The following PDE4B variants were observed in gnomAD, a reference collection of about 807,000 sequenced individuals.
The protein encoded by PDE4B is 3',5'-cyclic-AMP phosphodiesterase 4B.
Under a neutral mutation model 82.2 loss-of-function variants are expected in PDE4B, and 20 were observed. The ratio of observed to expected loss-of-function variants is 0.24; its 90% CI spans 0.17 to 0.35. The LOEUF (loss-of-function observed/expected upper bound fraction) is 0.35, where lower values mean the gene tolerates loss of function less well. PDE4B is among the 10% of genes least tolerant of loss of function. The probability of loss-of-function intolerance (pLI) is 1.00; values close to 1 mark genes in which losing one functional copy is unlikely to be tolerated. For missense variants in PDE4B, 655 were observed against 907.2 expected, an observed-to-expected ratio of 0.72 and a Z score of 3.57; for synonymous variants, 320 against 318.9, an observed-to-expected ratio of 1.00 and a Z score of -0.04.
In PDE4B at chr1:66,073,876, TATCATAG is replaced by T. The variant is rs150847836; in HGVS notation, c.281+155043_281+155049del. 7.8e-3 allele frequency among the ~76,000 whole-genome samples: 1,180 copies of T among 152,170 alleles called. 29 individuals are homozygous for T. Among genetic ancestry groups the T allele is most frequent in the East Asian group, 0.072 (374 of 5,174 alleles). On this transcript the variant is annotated intron_variant, in intron 3 of 16. Transcript: ENST00000341517. ...GTATTACTTAATGGTATGAAAACCA[TATCATAG>T]AAGAAAAAAGTTCAAAGACATAGAG...
intron 1 of PDE4B, among the ~76,000 whole-genome samples, chr1:65,877,758 A>C (rs184011609): frequency 4.6e-5 from 7 of 152,132 alleles, no homozygotes; most frequent in East Asian, 1.9e-4. Flanking sequence ...AGACTTAAAC[A>C]TAAAACCTAA....
chr1:65,857,608 G>A (rs1196174539), intron 1 of PDE4B, among the ~76,000 whole-genome samples: 1 of 152,148 alleles, frequency 6.6e-6, no homozygotes, highest in East Asian at 1.9e-4. Flanking sequence ...GCTCTCTTGA[G>A]CCCAGGAGTT....
At chr1:65,945,502 A>G (rs1648662170) in intron 3 of PDE4B, among the ~76,000 whole-genome samples, 1 of 151,932 alleles carries the variant, frequency 6.6e-6, no homozygotes, top group African/African-American at 2.4e-5. Context: ...CCCTGGGTGA[A>G]AGGGTCCTTA....
intron 3 of PDE4B, among the ~76,000 whole-genome samples, chr1:66,180,407 T>C (rs77810406): frequency 6.6e-6 from 1 of 152,196 alleles, no homozygotes; most frequent in African/African-American, 2.4e-5. Context: ...CAGAGTTTTT[T>C]CATAAAGTCT....
intron 3 of PDE4B, among the ~76,000 whole-genome samples, chr1:65,949,280 C>T (rs149130114): frequency 1.3e-4 from 20 of 152,228 alleles, no homozygotes; most frequent in African/African-American, 4.1e-4. Context: ...GGTTTTCTGT[C>T]TCATAGAACG....
chr1:65,811,369 A>T (rs1205477099), intron 1 of PDE4B, among the ~76,000 whole-genome samples: 1 of 152,252 alleles, frequency 6.6e-6, no homozygotes, highest in African/African-American at 2.4e-5. Flanking sequence ...AGGCTTGGCT[A>T]TGTCAGATTC....
intron 3 of PDE4B, among the ~76,000 whole-genome samples, chr1:66,101,402 A>G (rs1024970086): frequency 4.6e-5 from 7 of 152,116 alleles, no homozygotes; most frequent in Non-Finnish European, 1.0e-4. Flanking sequence ...TTGAGGCATC[A>G]CCACACTGTC....
chr1:65,938,629 T>C (rs1443365474), intron 3 of PDE4B, among the ~76,000 whole-genome samples: 6 of 152,212 alleles, frequency 3.9e-5, no homozygotes, highest in Non-Finnish European at 8.8e-5. Context: ...TAAAAAATTA[T>C]AAAACAGTGT....
chr1:65,861,838 G>A (rs2100258881), intron 1 of PDE4B, among the ~76,000 whole-genome samples: 1 of 152,050 alleles, frequency 6.6e-6, no homozygotes, highest in Middle Eastern at 3.4e-3. Context: ...CTCATGATTT[G>A]GCTCTCTGCT....
intron 1 of PDE4B, among the ~76,000 whole-genome samples, chr1:65,901,793 T>A (rs1458405306): frequency 6.6e-6 from 1 of 152,054 alleles, no homozygotes; most frequent in Admixed American, 6.6e-5. Flanking sequence ...CAGTTTCATT[T>A]AGTTCTGCTC....
chr1:65,993,670 A>C (rs1651373256), intron 3 of PDE4B, among the ~76,000 whole-genome samples: 1 of 152,188 alleles, frequency 6.6e-6, no homozygotes, highest in East Asian at 1.9e-4. Flanking sequence ...TACTTAAGGA[A>C]AGGGAAAACT....
intron 1 of PDE4B, among the ~76,000 whole-genome samples, chr1:65,805,457 A>T (rs941743521): frequency 1.4e-4 from 22 of 152,176 alleles, no homozygotes; most frequent in African/African-American, 4.8e-4. Context: ...GGGATATTTT[A>T]TCTAAGCTGT....
intron 3 of PDE4B, among the ~76,000 whole-genome samples, chr1:66,055,126 A>C (rs990647855): frequency 4.6e-5 from 7 of 152,236 alleles, no homozygotes; most frequent in Non-Finnish European, 1.0e-4. Flanking sequence ...ATATTAAATT[A>C]GTCTTTCTTT....
chr1:65,974,853 G>A (rs1315931698), intron 3 of PDE4B, among the ~76,000 whole-genome samples: 1 of 152,150 alleles, frequency 6.6e-6, no homozygotes, highest in Non-Finnish European at 1.5e-5. Flanking sequence ...CCTGTGAACT[G>A]TCAGTCAATT....
At chr1:66,233,589 C>T (rs994661285) in intron 3 of PDE4B, among the ~76,000 whole-genome samples, 1 of 152,130 alleles carries the variant, frequency 6.6e-6, no homozygotes, top group African/African-American at 2.4e-5. Context: ...GGCATTCGTA[C>T]CTGGTTCCTA....
intron 3 of PDE4B, among the ~76,000 whole-genome samples, chr1:66,192,508 C>A (rs1438226935): frequency 6.6e-6 from 1 of 152,140 alleles, no homozygotes; most frequent in African/African-American, 2.4e-5. Flanking sequence ...TTATATGATT[C>A]TTTCACCTCT....
At chr1:65,956,097 T>C (rs1649243708) in intron 3 of PDE4B, among the ~76,000 whole-genome samples, 2 of 152,120 alleles carry the variant, frequency 1.3e-5, no homozygotes, top group Non-Finnish European at 2.9e-5. Flanking sequence ...TATTCAAATA[T>C]GGGCCATTCT....
intron 3 of PDE4B, among the ~76,000 whole-genome samples, chr1:66,058,159 T>A (rs751930458): frequency 2.6e-5 from 4 of 151,560 alleles, no homozygotes; most frequent in Admixed American, 2.0e-4. Flanking sequence ...AGCAGGGGAG[T>A]CAAATCTTAA....
At chr1:66,028,849 A>G (rs544891368) in intron 3 of PDE4B, among the ~76,000 whole-genome samples, 11 of 152,334 alleles carry the variant, frequency 7.2e-5, no homozygotes, top group African/African-American at 2.6e-4. Flanking sequence ...TATTGTCCAT[A>G]TTGCTATCAG....
Sources: allele counts gnomAD v4.1 joint callset (sites outside exome capture counted in the v4.1 genomes callset), GRCh38; gene constraint gnomAD v4.1.1; transcripts MANE v1.5; gene names NCBI Gene and HGNC (gene_info 2026-07-23, HGNC 2026-07-21).